The following POU2F2 variants were observed in gnomAD, a reference collection of about 807,000 sequenced individuals.
POU2F2 encodes POU domain, class 2, transcription factor 2.
POU2F2 carries 14 observed loss-of-function variants against 63.5 expected under a neutral mutation model. The observed-to-expected ratio is 0.22, with a 90% CI of 0.15 to 0.34. The LOEUF (loss-of-function observed/expected upper bound fraction) is 0.34, where lower values mean the gene tolerates loss of function less well. Among genes scored for constraint, POU2F2 ranks in the 10% least tolerant of loss-of-function variants. The pLI, the probability that POU2F2 is intolerant of heterozygous loss-of-function variation, is 1.00. For missense variants in POU2F2, 607 were observed against 815.2 expected (o/e 0.74, Z 3.11); for synonymous variants, 306 against 348.6 (o/e 0.88, Z 1.36).
chr19:42,136,008 T>A (rs1416314630), upstream of POU2F2, among the ~76,000 whole-genome samples: 1 of 151,104 alleles, frequency 6.6e-6, no homozygotes, highest in Non-Finnish European at 1.5e-5. Flanking sequence ...CAAGCCTATT[T>A]CCTGTTTACA....
At chr19:42,172,358 T>G (rs1269426371) in intron 1 of POU2F2, among the ~76,000 whole-genome samples, 1 of 152,146 alleles carries the variant, frequency 6.6e-6, no homozygotes, top group Non-Finnish European at 1.5e-5. Flanking sequence ...ATTTTCAGGT[T>G]AAGGAGTGAT....
chr19:42,099,291 C>G lies in POU2F2; in HGVS notation c.567+236G>C, dbSNP rs2077038396. ...CTTTCATCATATTCTCAAAGGAGCT[C>G]ATGTACTAGAAAGGGTTAAGAACCA... On this transcript the variant is annotated intron_variant, in intron 7 of 14. Coordinates refer to ENST00000692977, the MANE Select transcript of POU2F2 (RefSeq NM_001394376.1). 9.7e-6 allele frequency: 5 copies of G among 515,778 alleles called. No homozygotes were observed. The East Asian group carries it at 1.6e-4, about 17-fold the overall frequency. The allele number at this position is 515,778 out of a possible 1,614,324, so 32.0% of individuals were successfully genotyped here. A position where few individuals can be genotyped will look rare whatever the true frequency, so the allele number is the denominator to read the frequency against.
rs760658403 is a variant in POU2F2, at chr19:42,162,987, G to A, written c.-69-2595C>T. On this transcript the variant is annotated intron_variant, in intron 1 of 6. Transcript: ENST00000524801. The surrounding 1 kb of genome is among the most constrained non-coding windows in gnomAD (Gnocchi z 4.1). ...TCTCAGCATCTCACATTTGTTCGGC[G>A]AGTGTCATCCCATGACACTGCTGTG... 4.6e-5 allele frequency among the ~76,000 whole-genome samples: 7 copies of A among 152,124 alleles called. No individual in the cohort carries two copies. The highest frequency in any genetic ancestry group is 1.4e-4 in the African/African-American group (6 of 41,412).
chr19:42,098,422 A>C (rs1175440402), intron 7 of POU2F2, among the ~76,000 whole-genome samples: 2 of 151,858 alleles, frequency 1.3e-5, no homozygotes, highest in East Asian at 1.9e-4. Flanking sequence ...CAAAAAAAAA[A>C]AAAAAAACAA....
Position 42,095,545 on chromosome 19 carries a change from C to A in POU2F2, c.1020G>T (p.Ala340=). 6.2e-7 allele frequency: 1 copy of A among 1,600,414 alleles called. No individual in the cohort carries two copies. The highest frequency in any genetic ancestry group is 8.5e-7 in the Non-Finnish European group (1 of 1,172,968). The change falls in exon 10 of 15, where the codon GCG becomes GCT. Residue 340 remains alanine (A), a splice_region_variant and synonymous_variant. Transcript: ENST00000692977. The surrounding 1 kb of genome is among the most constrained non-coding windows in gnomAD (Gnocchi z 7.1). ...VRFALEKSFL[A]NQKPTSEEIL... is the part of the protein sequence containing the mutation. ...GCCACCCAGGAGAGGGGGGCCTCAC[C>A]GCTAGAAAACTCTTCTCTAAGGCGA...
At chr19:42,178,627 A>G (rs978322173), upstream of POU2F2, among the ~76,000 whole-genome samples, 1 of 152,232 alleles carries the variant, frequency 6.6e-6, no homozygotes, top group African/African-American at 2.4e-5. Context: ...GACAGAGACC[A>G]AAAGATACAG....
chr19:42,115,469 C>G (rs888909009), intron 5 of POU2F2, among the ~76,000 whole-genome samples: 1 of 152,172 alleles, frequency 6.6e-6, no homozygotes, highest in African/African-American at 2.4e-5. Flanking sequence ...AAACGCCAGG[C>G]TAAGGGAAGT....
chr19:42,099,883 G>A, intron 5 of POU2F2, 62 bp from the exon 6 acceptor site: 2 of 1,349,414 alleles, frequency 1.5e-6, no homozygotes, highest in Non-Finnish European at 2.1e-6. Flanking sequence ...CATCCTCTCT[G>A]CATCACCTGA....
intron 1 of POU2F2, among the ~76,000 whole-genome samples, chr19:42,132,034 A>C (rs907124893): frequency 1.3e-5 from 2 of 152,170 alleles, no homozygotes; most frequent in Non-Finnish European, 2.9e-5. Flanking sequence ...TGGCATTCCA[A>C]TCCCTTTGCA....
At chr19:42,121,906 G>T (rs1600119360) in intron 4 of POU2F2, among the ~76,000 whole-genome samples, 1 of 152,144 alleles carries the variant, frequency 6.6e-6, no homozygotes, top group South Asian at 2.1e-4. Flanking sequence ...GGGGCTCTGG[G>T]GGGGATTTCC....
Position 42,155,357 on chromosome 19 carries a change from T to G in POU2F2, c.-9+4975A>C, listed in dbSNP as rs1179270938. ...CTCTCCGTTGCTCTGTTCCCCTCTC[T>G]GTGTTTCTGTCATGAGGTGCATGCT... is the stretch of plus-strand genomic sequence containing the variant. On this transcript the variant is annotated intron_variant, in intron 2 of 6. Coordinates refer to the POU2F2 transcript ENST00000524801. The surrounding 1 kb of genome is among the most constrained non-coding windows in gnomAD (Gnocchi z 4.2). Among the ~76,000 whole-genome samples, 2 of 152,204 alleles carry G rather than the reference T, an allele frequency of 1.3e-5. No individual in the cohort carries two copies. Among genetic ancestry groups the G allele is most frequent in the Admixed American group, 6.5e-5 (1 of 15,294 alleles).
intron 2 of POU2F2, among the ~76,000 whole-genome samples, chr19:42,158,152 T>C (rs1197745241): frequency 6.6e-6 from 1 of 152,246 alleles, no homozygotes; most frequent in Non-Finnish European, 1.5e-5. Context: ...AACTTTTTCT[T>C]GAACCACCTG....
At chr19:42,194,937 T>G (rs1401446973) in intron 1 of POU2F2, among the ~76,000 whole-genome samples, 10 of 64,084 alleles carry the variant, frequency 1.6e-4, no homozygotes, top group African/African-American at 2.7e-4. Context: ...GGAAAGAAAG[T>G]GAGGGAAGGA....
chr19:42,119,763 C>CAA (rs1041165827), intron 4 of POU2F2, among the ~76,000 whole-genome samples: 1 of 143,324 alleles, frequency 7.0e-6, no homozygotes, highest in Non-Finnish European at 1.5e-5. Flanking sequence ...GACTCCGTCT[C>CAA]AAAAAAAAAA....
upstream of POU2F2, among the ~76,000 whole-genome samples, chr19:42,136,330 G>A (rs552348160): frequency 5.3e-5 from 8 of 151,842 alleles, no homozygotes; most frequent in East Asian, 3.9e-4. Flanking sequence ...GACCACAGGC[G>A]TGCACCACCA....
Position 42,162,094 on chromosome 19 carries a change from G to C in POU2F2, c.-69-1702C>G, listed in dbSNP as rs941494768. Among the ~76,000 whole-genome samples the C allele has an allele frequency of 1.3e-5, 2 of 152,164 alleles. No individual in the cohort carries two copies. The highest frequency in any genetic ancestry group is 2.4e-5 in the African/African-American group (1 of 41,436). On this transcript the variant is annotated intron_variant, in intron 1 of 6. Coordinates refer to the POU2F2 transcript ENST00000524801. The surrounding 1 kb of genome is among the most constrained non-coding windows in gnomAD (Gnocchi z 4.1). The stretch of plus-strand genomic sequence containing the variant: ...GGGCGAGGGAATCCCCAGGCCTCGG[G>C]GGGGCCAGAGTCAGACAGCGCCTTA...
intron 1 of POU2F2, among the ~76,000 whole-genome samples, chr19:42,161,069 TGAG>T (rs1241195719): frequency 6.6e-6 from 1 of 151,970 alleles, no homozygotes; most frequent in African/African-American, 2.4e-5. Context: ...ACAGGCAAGT[TGAG>T]GAGACAGAAG....
chr19:42,159,701 A>G (rs1328487117), intron 2 of POU2F2, among the ~76,000 whole-genome samples: 2 of 152,184 alleles, frequency 1.3e-5, no homozygotes, highest in Admixed American at 1.3e-4. Flanking sequence ...GGGGCTTCAT[A>G]AAACCTTCTT....
At position 42,095,307 on chromosome 19, in the gene POU2F2, C is replaced by T; in HGVS notation, c.1176G>A (p.Pro392=). 6.2e-7 allele frequency: 1 copy of T among 1,613,568 alleles called. No individual in the cohort carries two copies. The highest frequency in any genetic ancestry group is 8.5e-7 in the Non-Finnish European group (1 of 1,179,910). Residue 392 remains proline, a synonymous_variant, in exon 11 of 15, where the codon CCG becomes CCA. Coordinates refer to ENST00000692977, the MANE Select transcript of POU2F2 (RefSeq NM_001394376.1). This position sits in a 1 kb window ranked among gnomAD's most constrained non-coding sequence, Gnocchi z 7.1. The stretch of plus-strand genomic sequence containing the variant: ...GTACCATATGGGGGCTGTAGCTGGC[C>T]GGCTTCCCTGGGCTGGGCAGCATGG... ...AAPMLPSPGK[P]ASYSPHMVTP...
Sources: allele counts gnomAD v4.1 joint callset (sites outside exome capture counted in the v4.1 genomes callset), GRCh38; gene constraint gnomAD v4.1.1; non-coding constraint Gnocchi (gnomAD v3.1); transcripts MANE v1.5; gene names NCBI Gene and HGNC (gene_info 2026-07-23, HGNC 2026-07-21).